Variants in VASH2 observed in about 807,000 individuals in gnomAD.
VASH2 encodes the protein tubulinyl-Tyr carboxypeptidase 2.
VASH2 carries 28 observed loss-of-function variants against 37.2 expected under a neutral mutation model. That is an observed-to-expected ratio of 0.75 (90% CI 0.56 to 1.03). The LOEUF (loss-of-function observed/expected upper bound fraction) is 1.03. Among genes scored for constraint, VASH2 ranks in the 50% least tolerant of loss-of-function variants. The pLI, the probability that VASH2 is intolerant of heterozygous loss-of-function variation, is 0.00. For synonymous variants in VASH2, 188 were observed against 174.7 expected, an observed-to-expected ratio of 1.08 and a Z score of -0.60; for missense variants, 419 against 459.1, an observed-to-expected ratio of 0.91 and a Z score of 0.80.
intron 2 of VASH2, among the ~76,000 whole-genome samples, chr1:212,958,861 G>A (rs1007129717): frequency 1.3e-4 from 20 of 152,080 alleles, no homozygotes; most frequent in Middle Eastern, 3.4e-3. Flanking sequence ...CTACAGGCGT[G>A]CATCACCATG....
rs1666820603 is a variant in VASH2, at chr1:212,965,712, C to T, written c.366-10C>T. ...TTTTCTGTCACTTTCCCTTTACATA[C>T]TTTACACAGATATAATCACACAGGG... On this transcript the variant is annotated splice_polypyrimidine_tract_variant and intron_variant, in intron 3 of 7. Transcript: ENST00000517399. The T allele has an allele frequency of 5.8e-6, 9 of 1,550,768 alleles. No individual in the cohort carries two copies. The highest frequency in any genetic ancestry group is 7.9e-6 in the Non-Finnish European group (9 of 1,145,718).
At chr1:212,967,536 C>T (rs1051842990) in intron 5 of VASH2, 1 of 920,420 alleles carries the variant, frequency 1.1e-6, no homozygotes. Flanking sequence ...GACTTTTTTC[C>T]AAAAGGCAAT....
At chr1:212,985,109 C>T (rs1667439098) in intron 7 of VASH2, among the ~76,000 whole-genome samples, 3 of 151,806 alleles carry the variant, frequency 2.0e-5, no homozygotes, top group Admixed American at 2.0e-4. Context: ...GCAACCTCCA[C>T]CTCCTAGGTT....
At chr1:212,953,230 CG>C (rs60925258) in intron 2 of VASH2, among the ~76,000 whole-genome samples, 1,328 of 125,784 alleles carry the variant, frequency 0.011, 12 homozygotes, top group East Asian at 0.05. Context: ...TGCGGGTGCG[CG>C]GGGGGGGGTG....
intron 3 of VASH2, among the ~76,000 whole-genome samples, chr1:212,965,434 G>A (rs1315111613): frequency 2.6e-5 from 4 of 152,168 alleles, no homozygotes; most frequent in Non-Finnish European, 5.9e-5. Flanking sequence ...AGAGCTTGTA[G>A]TCTAGTAGGT....
intron 2 of VASH2, among the ~76,000 whole-genome samples, chr1:212,957,791 A>C (rs1038746369): frequency 1.3e-5 from 2 of 151,812 alleles, no homozygotes; most frequent in African/African-American, 4.8e-5. Flanking sequence ...TTGTATTTTT[A>C]GTTTCGCCCT....
chr1:212,959,942 A>C (rs1666621457), intron 2 of VASH2, among the ~76,000 whole-genome samples: 1 of 152,246 alleles, frequency 6.6e-6, no homozygotes, highest in Admixed American at 6.5e-5. Context: ...CCTTCCCAGC[A>C]GCAGCACTGC....
At position 212,980,630 on chromosome 1, in the gene VASH2, G is replaced by A. The variant is rs533292932; in HGVS notation, c.995+6560G>A. On this transcript the variant is annotated intron_variant, in intron 7 of 7. Coordinates refer to ENST00000517399, the MANE Select transcript of VASH2 (RefSeq NM_001301056.2). ...GCTGCATTCTGTCAGGAAGGATTACGTATGTCCAGACATCTGGTTGAGTAA... is the reference window on the plus strand; with the variant it reads ...GCTGCATTCTGTCAGGAAGGATTACATATGTCCAGACATCTGGTTGAGTAA... 3.4e-4 allele frequency among the ~76,000 whole-genome samples: 52 copies of A among 152,322 alleles called. No individual in the cohort carries two copies. In the South Asian group the frequency reaches 8.5e-3, roughly 25 times the overall value.
rs188088084 is a variant in VASH2, at chr1:212,982,321, G to A, written c.996-6191G>A. On this transcript the variant is annotated intron_variant, in intron 7 of 7. Coordinates refer to ENST00000517399, the MANE Select transcript of VASH2 (RefSeq NM_001301056.2). ...TTTTCCCCTAAAACAAAATGTTGCC[G>A]GAGAACCTTGAAAAAAGAAAATTCT... Among the ~76,000 whole-genome samples the A allele has an allele frequency of 2.9e-4, 44 of 152,280 alleles. No individual in the cohort carries two copies. The East Asian group carries it at 6.4e-3, about 22-fold the overall frequency.
At chr1:212,969,334 A>C in intron 5 of VASH2, 1 of 340,132 alleles carries the variant, frequency 2.9e-6, no homozygotes, top group Non-Finnish European at 4.2e-6. Context: ...CTGGGACAAC[A>C]ACAGGCGCAC....
In VASH2 at chr1:212,989,101, T is replaced by C. The variant is rs139334083; in HGVS notation, c.*517T>C. ...GTTTTTTTATATTCTATTTGTATTC[T>C]TTCCCCAGTATTTCCCATGGGGATC... is the stretch of plus-strand genomic sequence containing the variant. On this transcript the variant is annotated 3_prime_UTR_variant, in exon 8 of 8. Coordinates refer to ENST00000517399, the MANE Select transcript of VASH2 (RefSeq NM_001301056.2). The C allele has an allele frequency of 2.5e-5, 4 of 157,510 alleles. No individual in the cohort carries two copies. The highest frequency in any genetic ancestry group is 9.6e-5 in the African/African-American group (4 of 41,586). 9.8% of individuals were successfully genotyped at this position (157,510 alleles called of 1,614,324 possible).
chr1:212,984,775 A>C (rs1400629414), intron 7 of VASH2, among the ~76,000 whole-genome samples: 2 of 152,164 alleles, frequency 1.3e-5, no homozygotes, highest in Non-Finnish European at 1.5e-5. Flanking sequence ...ACAACAGGAG[A>C]TCTAAAGAGC....
chr1:212,979,222 C>T (rs1337472741), intron 7 of VASH2, among the ~76,000 whole-genome samples: 1 of 152,200 alleles, frequency 6.6e-6, no homozygotes, highest in Non-Finnish European at 1.5e-5. Flanking sequence ...CCACCCATGG[C>T]CTTCGCCAAG....
In VASH2 at chr1:212,951,642, A is replaced by T. The variant is rs1183292809; in HGVS notation, c.100A>T (p.Thr34Ser). 6.3e-7 allele frequency: 1 copy of T among 1,581,448 alleles called. No individual in the cohort carries two copies. The highest frequency in any genetic ancestry group is 2.3e-5 in the East Asian group (1 of 43,600). Residue 34 changes from threonine to serine, a missense_variant, in exon 2 of 8, where the codon ACC (threonine) becomes TCC (serine). This residue lies in a region of VASH2 where 158 missense variants were observed against 163.0 expected (regional missense o/e 0.97). Transcript: ENST00000517399. This position sits in a 1 kb window ranked among gnomAD's most constrained non-coding sequence, Gnocchi z 4.4. ...SSHARPVSLA[T>S]SGGSEEEDKD... is the part of the protein sequence containing the mutation. ...CCACGCGCGGCCCGTGAGCCTCGCC[A>T]CCAGCGGGGGCTCAGAGGAGGAGGA...
At chr1:212,979,963 G>T (rs1667293362) in intron 7 of VASH2, among the ~76,000 whole-genome samples, 1 of 152,166 alleles carries the variant, frequency 6.6e-6, no homozygotes, top group Non-Finnish European at 1.5e-5. Context: ...TGTTCCCAGG[G>T]GTTCTCAACT....
rs777521640 is a variant in VASH2 at position 212,974,016 on chromosome 1, C to T, written c.941C>T (p.Ser314Phe). Residue 314 changes from serine (S) to phenylalanine (F), a missense_variant, in exon 7 of 8, where the codon TCC (serine) becomes TTC (phenylalanine). This residue lies in a region of VASH2 where 177 missense variants were observed against 166.2 expected (regional missense o/e 1.06). Coordinates refer to ENST00000517399, the MANE Select transcript of VASH2 (RefSeq NM_001301056.2). ...GTGAGAAGCCGGGGAAAATCCCTGT[C>T]CCCCAGAAGGAGACAGGCAAGCCCC... Reference protein sequence around the residue: ...TQVRSRGKSLSPRRRQASPPR... With the variant: ...TQVRSRGKSLFPRRRQASPPR... 13 of 1,613,916 alleles carry T rather than the reference C, an allele frequency of 8.1e-6. No homozygotes were observed. The East Asian group carries it at 2.7e-4, about 33-fold the overall frequency.
At chr1:212,973,599 C>T in intron 6 of VASH2, 2 of 1,248,908 alleles carry the variant, frequency 1.6e-6, no homozygotes, top group Non-Finnish European at 2.1e-6. Context: ...AGGCTGGTTT[C>T]TGAGGCAATA....
chr1:212,953,702 A>T (rs1666394155), intron 2 of VASH2, among the ~76,000 whole-genome samples: 1 of 152,168 alleles, frequency 6.6e-6, no homozygotes, highest in Admixed American at 6.5e-5. Context: ...ATAAAATGGG[A>T]ATAGACCAGA....
intron 3 of VASH2, among the ~76,000 whole-genome samples, chr1:212,963,469 G>A (rs1235056136): frequency 6.6e-6 from 1 of 152,142 alleles, no homozygotes; most frequent in African/African-American, 2.4e-5. Context: ...GGGACTGGTT[G>A]GCATCAGTCC....
Sources: allele counts gnomAD v4.1 joint callset (sites outside exome capture counted in the v4.1 genomes callset), GRCh38; gene constraint gnomAD v4.1.1; regional missense constraint gnomAD v4.1.1; non-coding constraint Gnocchi (gnomAD v3.1); transcripts MANE v1.5; gene names NCBI Gene and HGNC (gene_info 2026-07-23, HGNC 2026-07-21).